The following RAB2B variants were observed in gnomAD, a reference collection of about 807,000 sequenced individuals.
RAB2B encodes the protein ras-related protein Rab-2B.
Under a neutral mutation model 29.8 loss-of-function variants are expected in RAB2B, and 20 were observed. The ratio of observed to expected loss-of-function variants is 0.67; its 90% CI spans 0.47 to 0.97. The LOEUF (loss-of-function observed/expected upper bound fraction) is 0.97, where lower values mean the gene tolerates loss of function less well. RAB2B is among the 50% of genes least tolerant of loss of function. The probability of loss-of-function intolerance (pLI) is 0.00; values close to 1 mark genes in which losing one functional copy is unlikely to be tolerated. For missense variants in RAB2B, 218 were observed against 272.0 expected (o/e 0.80, Z 1.40); for synonymous variants, 93 against 91.7 (o/e 1.01, Z -0.08).
Position 21,461,252 on chromosome 14 carries a change from G to A in RAB2B, c.595C>T (p.Pro199Ser). ...CGAGAGTTCCGCTGGGAGGCACTGG[G>A]TCCCACTGATGTTGAAATTGACTGT... ...PQQSISTSVG[P>S]SASQRNSRDI... Residue 199 changes from proline (P) to serine (S), a missense_variant, in exon 8 of 8, where the codon CCC (proline) becomes TCC (serine). Coordinates refer to ENST00000397762, the MANE Select transcript of RAB2B (RefSeq NM_032846.4). 1 of 1,613,846 alleles carries A rather than the reference G, an allele frequency of 6.2e-7. No individual in the cohort carries two copies. The highest frequency in any genetic ancestry group is 8.5e-7 in the Non-Finnish European group (1 of 1,179,870).
chr14:21,462,436 C>T lies in RAB2B; in HGVS notation c.475-18G>A, dbSNP rs1890580433. 2 of 1,597,118 alleles carry T rather than the reference C, an allele frequency of 1.3e-6. No homozygotes were observed. Among genetic ancestry groups the T allele is most frequent in the East Asian group, 4.5e-5 (2 of 44,696 alleles). On this transcript the variant is annotated intron_variant, in intron 6 of 7. Coordinates refer to ENST00000397762, the MANE Select transcript of RAB2B (RefSeq NM_032846.4). ...ATGAAGGCCTGAAAGAGACATAAAT[C>T]GTATCATCAGTCTCAAGTTCAGGTA...
intron 3 of RAB2B, among the ~76,000 whole-genome samples, chr14:21,472,267 C>G (rs1444205307): frequency 6.6e-6 from 1 of 152,174 alleles, no homozygotes; most frequent in Non-Finnish European, 1.5e-5. Flanking sequence ...TGTATACACA[C>G]ACACACACGA....
intron 3 of RAB2B, among the ~76,000 whole-genome samples, chr14:21,471,646 C>T (rs1462006686): frequency 1.4e-5 from 2 of 147,136 alleles, no homozygotes; most frequent in Non-Finnish European, 3.0e-5. Context: ...AGAAAAGATG[C>T]AGCAGCAACG....
intron 3 of RAB2B, among the ~76,000 whole-genome samples, chr14:21,471,460 T>C (rs886576714): frequency 6.6e-6 from 1 of 151,214 alleles, no homozygotes; most frequent in Non-Finnish European, 1.5e-5. Flanking sequence ...CTAAAAAAAA[T>C]ACAAAAAATT....
intron 3 of RAB2B, among the ~76,000 whole-genome samples, chr14:21,472,533 A>G (rs947202243): frequency 3.3e-5 from 5 of 152,330 alleles, no homozygotes; most frequent in African/African-American, 1.2e-4. Flanking sequence ...AGATGGACAC[A>G]TTATTATACG....
In RAB2B at chr14:21,460,284, T is replaced by A. The variant is rs115946692; in HGVS notation, c.*912A>T. The stretch of plus-strand genomic sequence containing the variant: ...TTCTTAGTGGGAAGTGGATTGTATA[T>A]GCTTACGAAATTATTTATTTAGGCC... On this transcript the variant is annotated 3_prime_UTR_variant, in exon 8 of 8. Coordinates refer to ENST00000397762, the MANE Select transcript of RAB2B (RefSeq NM_032846.4). The A allele has an allele frequency of 5.3e-4, 277 of 518,342 alleles. No individual in the cohort carries two copies. The highest frequency in any genetic ancestry group is 4.8e-3 in the African/African-American group (251 of 52,010). The allele number at this position is 518,342 out of a possible 1,614,324, so 32.1% of individuals were successfully genotyped here.
intron 1 of RAB2B, 103 bp downstream of exon 1, chr14:21,476,724 G>A (rs1890983515): frequency 1.6e-6 from 1 of 642,918 alleles, no homozygotes; most frequent in Non-Finnish European, 2.2e-6. Flanking sequence ...CGCCCCGCCC[G>A]TCTCGAATCG....
intron 5 of RAB2B, among the ~76,000 whole-genome samples, chr14:21,464,726 G>A (rs889176472): frequency 6.6e-6 from 1 of 152,182 alleles, no homozygotes; most frequent in African/African-American, 2.4e-5. Flanking sequence ...CTGCAGAGCT[G>A]GGCGTGGTGG....
At position 21,476,904 on chromosome 14, in the gene RAB2B, C is replaced by T; in HGVS notation, c.-32G>A. 2 of 1,612,162 alleles carry T rather than the reference C, an allele frequency of 1.2e-6. No homozygotes were observed. Among genetic ancestry groups the T allele is most frequent in the Non-Finnish European group, 1.7e-6 (2 of 1,179,476 alleles). ...GCGTCCTCTGGGTTCCGGGTCCGCC[C>T]GACTTCTATAGCCACTTACCTCCGA... On this transcript the variant is annotated 5_prime_UTR_variant, in exon 1 of 8. Coordinates refer to ENST00000397762, the MANE Select transcript of RAB2B (RefSeq NM_032846.4).
rs1178881913 is a variant in RAB2B, at chr14:21,463,654, AC to A, written c.474+1del. 1 of 1,592,126 alleles carries A rather than the reference AC, an allele frequency of 6.3e-7. No homozygotes were observed. The highest frequency in any genetic ancestry group is 8.6e-7 in the Non-Finnish European group (1 of 1,160,398). On this transcript the variant is annotated splice_donor_variant, in intron 6 of 7. Transcript: ENST00000397762. LOFTEE classifies it high-confidence loss of function. ...CTTTCCCCACTGTTTTCCAAATAGT[AC>A]CTCTTCAACATTGCAGGCTGTTTTG... is the stretch of plus-strand genomic sequence containing the variant.
rs1400141624 is a variant in RAB2B at position 21,460,294 on chromosome 14, ATTAT to A, written c.*898_*901del. 3 of 518,120 alleles carry A rather than the reference ATTAT, an allele frequency of 5.8e-6. No individual in the cohort carries two copies. Among genetic ancestry groups the A allele is most frequent in the Non-Finnish European group, 7.7e-6 (2 of 259,528 alleles). 32.1% of individuals were successfully genotyped at this position (518,120 alleles called of 1,614,324 possible). Reference sequence around the variant, plus strand: ...GAAGTGGATTGTATATGCTTACGAAATTATTTATTTAGGCCAGGCACGGTGGCTC... The same window carrying A: ...GAAGTGGATTGTATATGCTTACGAAATTATTTAGGCCAGGCACGGTGGCTC... On this transcript the variant is annotated 3_prime_UTR_variant, in exon 8 of 8. Coordinates refer to ENST00000397762, the MANE Select transcript of RAB2B (RefSeq NM_032846.4).
intron 3 of RAB2B, among the ~76,000 whole-genome samples, chr14:21,472,821 T>TAA (rs61115443): frequency 3.1e-5 from 4 of 131,082 alleles, no homozygotes; most frequent in Admixed American, 7.7e-5. Context: ...TATGAGTGCT[T>TAA]AAAAAAAAAA....
rs540529695 is a variant in RAB2B, at chr14:21,475,689, C to T, written c.119-755G>A. 3.9e-5 allele frequency among the ~76,000 whole-genome samples: 6 copies of T among 152,276 alleles called. No individual in the cohort carries two copies. In the South Asian group the frequency reaches 6.2e-4, roughly 16 times the overall value. ...TAAGCATTGTATCATTAGCCCCTAT[C>T]GCAAAGTGAGAATTCGCTCAATATT... On this transcript the variant is annotated intron_variant, in intron 2 of 7. Transcript: ENST00000397762.
At chr14:21,476,313 A>T in intron 2 of RAB2B, 1 of 560,716 alleles carries the variant, frequency 1.8e-6, no homozygotes, top group East Asian at 2.9e-5. Flanking sequence ...TATACCTCAC[A>T]CTCTAAAAAG....
intron 6 of RAB2B, among the ~76,000 whole-genome samples, chr14:21,463,083 C>T (rs1890601790): frequency 6.6e-6 from 1 of 152,032 alleles, no homozygotes; most frequent in African/African-American, 2.4e-5. Context: ...TTAGACACTC[C>T]AACCAGAGTG....
At chr14:21,471,613 G>GT (rs1254459008) in intron 3 of RAB2B, among the ~76,000 whole-genome samples, 3 of 119,712 alleles carry the variant, frequency 2.5e-5, no homozygotes, top group Non-Finnish European at 5.2e-5. Context: ...GCAAGACCCT[G>GT]TCAAAAAAAA....
rs551729224 is a variant in RAB2B, at chr14:21,471,763, C to T, written c.187-3011G>A. Among the ~76,000 whole-genome samples the T allele has an allele frequency of 3.3e-5, 5 of 151,580 alleles. No homozygotes were observed. The South Asian group carries it at 1.0e-3, about 32-fold the overall frequency. ...TGATCTTGGCTCACTGCAACCTCCG[C>T]CTCCCAGGTTCAAGTGATTCTCCTG... On this transcript the variant is annotated intron_variant, in intron 3 of 7. Transcript: ENST00000397762.
chr14:21,476,456 G>A lies in RAB2B; in HGVS notation c.118+72C>T, dbSNP rs1381078739. 5 of 1,578,212 alleles carry A rather than the reference G, an allele frequency of 3.2e-6. No homozygotes were observed. In the East Asian group the frequency reaches 9.0e-5, roughly 28 times the overall value. On this transcript the variant is annotated intron_variant, in intron 2 of 7. Coordinates refer to ENST00000397762, the MANE Select transcript of RAB2B (RefSeq NM_032846.4). ...CTTTTTACTTCGAACACTGAAGGCT[G>A]CTAACTTTCCACTTTAGCAATTTAG...
intron 5 of RAB2B, among the ~76,000 whole-genome samples, chr14:21,464,988 G>C (rs950959120): frequency 5.3e-5 from 8 of 150,318 alleles, no homozygotes; most frequent in African/African-American, 2.0e-4. Flanking sequence ...AACAGCACGA[G>C]ACCTTGTCGC....
Sources: gnomAD v4.1 joint callset for allele counts (sites outside exome capture counted in the v4.1 genomes callset) on GRCh38, gnomAD v4.1.1 for gene constraint, MANE v1.5 for transcripts, NCBI Gene and HGNC (gene_info 2026-07-23, HGNC 2026-07-21) for gene names.